FCHO2: variants seen among roughly 807,000 people sequenced by gnomAD.
The protein encoded by FCHO2 is F-BAR domain only protein 2.
FCHO2 carries 43 observed loss-of-function variants against 114.1 expected under a neutral mutation model. The observed-to-expected ratio is 0.38, with a 90% confidence interval of 0.30 to 0.49. FCHO2 has a LOEUF of 0.49. Among genes scored for constraint, FCHO2 ranks in the 20% least tolerant of loss-of-function variants. FCHO2 has a pLI of 0.97. For synonymous variants in FCHO2, 293 were observed against 315.2 expected (o/e 0.93, Z 0.75); for missense variants, 807 against 950.4 (o/e 0.85, Z 1.98).
intron 8 of FCHO2, chr5:73,020,876 G>T: frequency 9.6e-7 from 1 of 1,045,918 alleles, no homozygotes; most frequent in Middle Eastern, 2.7e-4. Context: ...TGTAGCACCT[G>T]TATCAGCTCA....
chr5:73,084,240 G>GT (rs577215606), intron 24 of FCHO2, among the ~76,000 whole-genome samples: 17 of 151,902 alleles, frequency 1.1e-4, no homozygotes, highest in Non-Finnish European at 2.4e-4. Context: ...TTTTCTGCTT[G>GT]TTTTTTTAGG....
intron 19 of FCHO2, among the ~76,000 whole-genome samples, chr5:73,069,497 T>C (rs1045635971): frequency 6.6e-6 from 1 of 152,018 alleles, no homozygotes; most frequent in African/African-American, 2.4e-5. Context: ...TAGATTCTCA[T>C]AAGAGTGCGC....
At chr5:73,007,573 C>T (rs1361728476) in intron 6 of FCHO2, among the ~76,000 whole-genome samples, 2 of 152,134 alleles carry the variant, frequency 1.3e-5, no homozygotes, top group African/African-American at 4.8e-5. Context: ...TATGTCTTCC[C>T]ATTTGAAGTA....
intron 8 of FCHO2, 74 bp downstream of exon 8, chr5:73,017,382 C>A: frequency 1.1e-6 from 1 of 912,982 alleles, no homozygotes. Context: ...CCTTGAAGAT[C>A]ATGTGGGTAA....
chr5:73,018,461 T>G (rs1050200603), intron 8 of FCHO2, among the ~76,000 whole-genome samples: 2 of 152,172 alleles, frequency 1.3e-5, no homozygotes, highest in Non-Finnish European at 2.9e-5. Context: ...AGTGGGATTC[T>G]GGACTTGGTT....
intron 11 of FCHO2, among the ~76,000 whole-genome samples, chr5:73,050,454 G>A (rs923590429): frequency 1.3e-5 from 2 of 151,954 alleles, no homozygotes; most frequent in Non-Finnish European, 2.9e-5. Flanking sequence ...GAGTAACTGG[G>A]ATTACAAGCA....
chr5:73,009,489 C>T (rs1187548754), intron 6 of FCHO2, among the ~76,000 whole-genome samples: 1 of 152,084 alleles, frequency 6.6e-6, no homozygotes, highest in Non-Finnish European at 1.5e-5. Context: ...ACATTTTTTT[C>T]CAAAATGGCA....
intron 8 of FCHO2, among the ~76,000 whole-genome samples, chr5:73,026,401 C>T (rs989263570): frequency 2.6e-4 from 40 of 151,636 alleles, no homozygotes; most frequent in African/African-American, 8.7e-4. Context: ...ACCTGGGAGG[C>T]GGAGGTTGCC....
chr5:72,964,586 C>T (rs1467320539), intron 1 of FCHO2, among the ~76,000 whole-genome samples: 1 of 152,080 alleles, frequency 6.6e-6, no homozygotes, highest in Non-Finnish European at 1.5e-5. Context: ...CGGGGTTTCA[C>T]CATGTTGGCC....
intron 2 of FCHO2, among the ~76,000 whole-genome samples, chr5:72,973,885 A>AATGCTTT (rs1752711832): frequency 6.7e-6 from 1 of 148,560 alleles, no homozygotes; most frequent in South Asian, 2.2e-4. Flanking sequence ...TGCGTCCCAG[A>AATGCTTT]GATTCTGGTA....
chr5:73,042,404 T>TTA (rs1756846351), intron 11 of FCHO2, among the ~76,000 whole-genome samples: 1 of 152,194 alleles, frequency 6.6e-6, no homozygotes, highest in African/African-American at 2.4e-5. Flanking sequence ...ATTAAATTGA[T>TTA]GATGTAAAAT....
At chr5:73,016,889 G>T (rs981855201) in intron 7 of FCHO2, among the ~76,000 whole-genome samples, 1 of 151,568 alleles carries the variant, frequency 6.6e-6, no homozygotes, top group African/African-American at 2.4e-5. Flanking sequence ...CTGTGTGTGT[G>T]TTTTTTTTAA....
intron 1 of FCHO2, among the ~76,000 whole-genome samples, chr5:72,960,515 T>C (rs1342723483): frequency 1.3e-5 from 2 of 152,176 alleles, no homozygotes; most frequent in African/African-American, 2.4e-5. Flanking sequence ...TTTTTACATA[T>C]TAAACATTAT....
At chr5:73,031,093 A>C (rs1166568315) in intron 8 of FCHO2, among the ~76,000 whole-genome samples, 1 of 152,202 alleles carries the variant, frequency 6.6e-6, no homozygotes, top group East Asian at 1.9e-4. Flanking sequence ...GCATATCACC[A>C]CAAACTGGAG....
Position 73,051,355 on chromosome 5 carries a change from C to A in FCHO2, c.946C>A (p.Pro316Thr). The change falls in exon 12 of 26, where the codon CCT becomes ACT. Residue 316 changes from proline to threonine, a missense_variant. Pro to Thr is a conservative substitution (Grantham distance 38). Coordinates refer to ENST00000430046, the MANE Select transcript of FCHO2 (RefSeq NM_138782.3). ...TTTTTTCTTTTTCCCTTAGAACATT[C>A]CTGATGTAGATGAAGAAGGCTACAG... ...ECPDADSLNIPDVDEEGYSIK... is the reference protein window; with the variant it reads ...ECPDADSLNITDVDEEGYSIK... 6.5e-7 allele frequency: 1 copy of A among 1,528,080 alleles called. No individual in the cohort carries two copies. The highest frequency in any genetic ancestry group is 8.8e-7 in the Non-Finnish European group (1 of 1,130,044). 94.7% of individuals were successfully genotyped at this position (1,528,080 alleles called of 1,614,324 possible). A position where few individuals can be genotyped will look rare whatever the true frequency, so the allele number is the denominator to read the frequency against.
At position 73,089,835 on chromosome 5, in the gene FCHO2, A is replaced by C. The variant is rs896504812; in HGVS notation, c.*1745A>C. 6.6e-6 allele frequency: 1 copy of C among 152,570 alleles called. No individual in the cohort carries two copies. Among genetic ancestry groups the C allele is most frequent in the East Asian group, 1.9e-4 (1 of 5,194 alleles). The allele number at this position is 152,570 out of a possible 1,614,324, so 9.5% of individuals were successfully genotyped here. ...CAGTATATGCTTTTTTATATATTCA[A>C]TGTTAGCCCAAGTCTGAATTTACAT... is the stretch of plus-strand genomic sequence containing the variant. On this transcript the variant is annotated 3_prime_UTR_variant, in exon 26 of 26. Transcript: ENST00000430046.
At chr5:72,982,931 TCAGA>T (rs34432963) in intron 2 of FCHO2, among the ~76,000 whole-genome samples, 29,105 of 150,706 alleles carry the variant, frequency 0.19, 3,552 homozygotes, top group Non-Finnish European at 0.27. Flanking sequence ...CTTTTTTTTT[TCAGA>T]CAGAGTATCT....
At chr5:73,087,491 G>C (rs1743350061) in intron 24 of FCHO2, 98 bp from the exon 25 acceptor site, 5 of 1,359,370 alleles carry the variant, frequency 3.7e-6, no homozygotes. Context: ...AATGAATGTA[G>C]CACAGGACTG....
At chr5:73,003,565 T>C (rs1754560386) in intron 5 of FCHO2, among the ~76,000 whole-genome samples, 1 of 152,226 alleles carries the variant, frequency 6.6e-6, no homozygotes, top group Non-Finnish European at 1.5e-5. Context: ...TTTTGACTTG[T>C]AAATATCTGT....
Sources: gnomAD v4.1 joint callset for allele counts (sites outside exome capture counted in the v4.1 genomes callset) on GRCh38, gnomAD v4.1.1 for gene constraint, MANE v1.5 for transcripts, NCBI Gene and HGNC (gene_info 2026-07-23, HGNC 2026-07-21) for gene names.